The following SUCO variants were observed in gnomAD, a reference collection of about 807,000 sequenced individuals.
SUCO encodes the protein SUN domain containing ossification factor, also known as SUN domain-containing ossification factor.
In SUCO, 57 loss-of-function variants were observed where a neutral mutation model predicts 148.1. The ratio of observed to expected loss-of-function variants is 0.38; its 90% CI spans 0.31 to 0.48. SUCO has a LOEUF of 0.48. Among genes scored for constraint, SUCO ranks in the 20% least tolerant of loss-of-function variants. The probability of loss-of-function intolerance (pLI) is 0.96; values close to 1 mark genes in which losing one functional copy is unlikely to be tolerated. For missense variants in SUCO, 1,331 were observed against 1,468.2 expected (o/e 0.91, Z 1.53); for synonymous variants, 470 against 502.7 (o/e 0.93, Z 0.87).
chr1:172,534,869 A>G (rs1233244130), intron 1 of SUCO, among the ~76,000 whole-genome samples: 3 of 152,170 alleles, frequency 2.0e-5, no homozygotes, highest in Admixed American at 6.5e-5. Flanking sequence ...TCTTTAAACC[A>G]TGTTATTCAT....
At chr1:172,545,704 A>G (rs185828864) in intron 1 of SUCO, among the ~76,000 whole-genome samples, 2 of 152,360 alleles carry the variant, frequency 1.3e-5, no homozygotes, top group Admixed American at 1.3e-4. Flanking sequence ...AGTATAAACT[A>G]CTGTGAAATT....
At chr1:172,568,882 G>T in intron 6 of SUCO, 137 bp from the exon 7 acceptor site, 4 of 849,438 alleles carry the variant, frequency 4.7e-6, no homozygotes, top group African/African-American at 1.8e-5. Context: ...TTCTTTTTAC[G>T]TTTTTTATTT....
At chr1:172,598,606 C>T (rs963677471) in intron 19 of SUCO, among the ~76,000 whole-genome samples, 1 of 152,150 alleles carries the variant, frequency 6.6e-6, no homozygotes, top group Non-Finnish European at 1.5e-5. Context: ...ATACGAAAGC[C>T]CCTTCCTCTG....
intron 19 of SUCO, among the ~76,000 whole-genome samples, chr1:172,597,078 C>T (rs1405516793): frequency 6.6e-6 from 1 of 152,232 alleles, no homozygotes; most frequent in Non-Finnish European, 1.5e-5. Context: ...GGCATGGGAC[C>T]CTCCGAGCCA....
intron 1 of SUCO, among the ~76,000 whole-genome samples, chr1:172,549,595 T>G (rs139291749): frequency 5.2e-4 from 79 of 152,098 alleles, no homozygotes; most frequent in African/African-American, 1.8e-3. Flanking sequence ...CTTTCTTCTG[T>G]AATGAAATTT....
At chr1:172,559,168 G>T (rs538325009) in intron 6 of SUCO, among the ~76,000 whole-genome samples, 1 of 152,122 alleles carries the variant, frequency 6.6e-6, no homozygotes, top group African/African-American at 2.4e-5. Context: ...ACTGATTGCC[G>T]TACTTATACA....
intron 6 of SUCO, among the ~76,000 whole-genome samples, chr1:172,562,743 C>A (rs1011386666): frequency 6.6e-6 from 1 of 152,164 alleles, no homozygotes; most frequent in South Asian, 2.1e-4. Context: ...AACCTTGTCA[C>A]GACATAACAC....
At chr1:172,601,568 G>A (rs1382837077) in intron 20 of SUCO, among the ~76,000 whole-genome samples, 2 of 151,924 alleles carry the variant, frequency 1.3e-5, no homozygotes, top group Admixed American at 1.3e-4. Flanking sequence ...GATTCTAAAA[G>A]TGGAGAACAG....
upstream of SUCO, chr1:172,532,393 TA>T: frequency 1.8e-6 from 2 of 1,112,262 alleles, no homozygotes; most frequent in Non-Finnish European, 2.6e-6. Context: ...GAAGCACACT[TA>T]AAGTGAGGAA....
chr1:172,606,400 A>T (rs1412699774), intron 22 of SUCO, among the ~76,000 whole-genome samples: 1 of 151,482 alleles, frequency 6.6e-6, no homozygotes, highest in East Asian at 1.9e-4. Context: ...TTTACTAGTT[A>T]CCCTAGAAGT....
rs751695890 is a variant in SUCO, at chr1:172,589,630, G to T, written c.2529G>T (p.Met843Ile). ...ACAATGAAGATGGGGAAGCCAAAAT[G>T]AATATAGCTGACACAGCAAAGCAAA... ...VPDNEDGEAK[M>I]NIADTAKQTL... Residue 843 changes from methionine to isoleucine, a missense_variant, in exon 18 of 24, where the codon ATG becomes ATT. Around this residue, in one of 3 missense-constraint regions of SUCO, gnomAD observed 992 missense variants for 1,093.5 expected, o/e 0.91. Transcript: ENST00000263688. 1 of 1,613,890 alleles carries T rather than the reference G, an allele frequency of 6.2e-7. No individual in the cohort carries two copies. The highest frequency in any genetic ancestry group is 1.1e-5 in the South Asian group (1 of 91,058).
intron 1 of SUCO, among the ~76,000 whole-genome samples, chr1:172,541,003 GA>G (rs1330616202): frequency 1.3e-5 from 2 of 152,070 alleles, no homozygotes; most frequent in African/African-American, 2.4e-5. Context: ...AATTGTGCTA[GA>G]TTTGTTTTTA....
At chr1:172,606,900 T>C (rs1194402915) in intron 22 of SUCO, among the ~76,000 whole-genome samples, 4 of 151,928 alleles carry the variant, frequency 2.6e-5, no homozygotes, top group African/African-American at 9.7e-5. Context: ...CTTTTTATGC[T>C]GTATTTTGGA....
chr1:172,534,536 C>T (rs1418944758), intron 1 of SUCO, among the ~76,000 whole-genome samples: 1 of 152,168 alleles, frequency 6.6e-6, no homozygotes, highest in Non-Finnish European at 1.5e-5. Context: ...AATACATAAA[C>T]AAGGGGAAGA....
rs758313645 is a variant in SUCO, at chr1:172,585,882, C to G, written c.1592C>G (p.Ala531Gly). ...GGAAATAAAAGTATATCTGAGAATG[C>G]CACTGCCACAGCTGCACCTAAAATG... ...TEGNKSISEN[A>G]TATAAPKMPE... The change falls in exon 17 of 24, where the codon GCC (alanine) becomes GGC (glycine). Residue 531 changes from alanine to glycine, a missense_variant. By Grantham distance (60) the Ala-to-Gly change is moderately conservative. Coordinates refer to ENST00000263688, the MANE Select transcript of SUCO (RefSeq NM_014283.5). 6.2e-7 allele frequency: 1 copy of G among 1,607,740 alleles called. No individual in the cohort carries two copies. The highest frequency in any genetic ancestry group is 8.5e-7 in the Non-Finnish European group (1 of 1,176,684).
Position 172,533,179 on chromosome 1 carries a change from G to C in SUCO, c.-257G>C, listed in dbSNP as rs978650881. The stretch of plus-strand genomic sequence containing the variant: ...GGCGGCAGTGGCGGCTGCAGGAGGC[G>C]GGCGTGGACGAGCCGGTGGCTGCAG... On this transcript the variant is annotated 5_prime_UTR_variant, in exon 1 of 24. Coordinates refer to ENST00000263688, the MANE Select transcript of SUCO (RefSeq NM_014283.5). 1 of 1,482,668 alleles carries C rather than the reference G, an allele frequency of 6.7e-7. No individual in the cohort carries two copies. Among genetic ancestry groups the C allele is most frequent in the South Asian group, 1.3e-5 (1 of 75,834 alleles). The allele number at this position is 1,482,668 out of a possible 1,614,324, so 91.8% of individuals were successfully genotyped here. A position where few individuals can be genotyped will look rare whatever the true frequency, so the allele number is the denominator to read the frequency against.
Position 172,588,959 on chromosome 1 carries a change from C to G in SUCO, c.1858C>G (p.Leu620Val). 6.2e-7 allele frequency: 1 copy of G among 1,610,704 alleles called. No homozygotes were observed. Among genetic ancestry groups the G allele is most frequent in the Non-Finnish European group, 8.5e-7 (1 of 1,178,416 alleles). ...AGAGACACAAATATTTTGCAGTGAA[C>G]TGACCACAATTTGTTGTATTTCTAG... ...ESETQIFCSE[L>V]TTICCISSFS... Residue 620 changes from leucine to valine, a missense_variant, in exon 18 of 24, where the codon CTG (leucine) becomes GTG (valine). Leu to Val is a conservative substitution (Grantham distance 32). Around this residue, in one of 3 missense-constraint regions of SUCO, gnomAD observed 992 missense variants for 1,093.5 expected, o/e 0.91. Coordinates refer to ENST00000263688, the MANE Select transcript of SUCO (RefSeq NM_014283.5).
At chr1:172,558,134 T>G (rs947574324) in intron 6 of SUCO, among the ~76,000 whole-genome samples, 6 of 152,212 alleles carry the variant, frequency 3.9e-5, no homozygotes, top group African/African-American at 1.4e-4. Context: ...CTAATTACAT[T>G]TAATTATCTT....
At chr1:172,580,172 C>A (rs1655781635) in intron 15 of SUCO, among the ~76,000 whole-genome samples, 1 of 151,960 alleles carries the variant, frequency 6.6e-6, no homozygotes, top group Non-Finnish European at 1.5e-5. Flanking sequence ...TTCTTTCTTT[C>A]CTTTCTTTTC....
Sources: allele counts gnomAD v4.1 joint callset (sites outside exome capture counted in the v4.1 genomes callset), GRCh38; gene constraint gnomAD v4.1.1; regional missense constraint gnomAD v4.1.1; transcripts MANE v1.5; gene names NCBI Gene and HGNC (gene_info 2026-07-23, HGNC 2026-07-21).